The following CASTOR2 variants were observed in gnomAD, a reference collection of about 807,000 sequenced individuals.
CASTOR2 encodes the protein GATS protein like 2.
A neutral mutation model predicts 31.2 loss-of-function variants in CASTOR2; 8 were observed. The ratio of observed to expected loss-of-function variants is 0.26; its 90% CI spans 0.15 to 0.46. The LOEUF (loss-of-function observed/expected upper bound fraction) is 0.46. Ranked by LOEUF, CASTOR2 falls within the 20% of genes least tolerant of loss-of-function variation. CASTOR2 has a pLI of 0.99. For missense variants in CASTOR2, 216 were observed against 382.1 expected, an observed-to-expected ratio of 0.57 and a Z score of 3.62; for synonymous variants, 162 against 158.7, an observed-to-expected ratio of 1.02 and a Z score of -0.16.
chr7:74,979,379 C>T (rs1803899825), intron 1 of CASTOR2, among the ~76,000 whole-genome samples: 1 of 147,346 alleles, frequency 6.8e-6, no homozygotes, highest in South Asian at 2.2e-4. Flanking sequence ...TCCCCAGTGT[C>T]TGATGTTCCC....
intron 1 of CASTOR2, among the ~76,000 whole-genome samples, chr7:74,976,536 TCCTCC>T (rs1803813124): frequency 1.7e-4 from 2 of 12,094 alleles, no homozygotes; most frequent in African/African-American, 5.0e-4. Flanking sequence ...CCCTGTCTCC[TCCTCC>T]TCCTCCTCCT....
Position 75,028,664 on chromosome 7 carries a change from A to G in CASTOR2, c.*3965A>G, listed in dbSNP as rs1805212745. Among the ~76,000 whole-genome samples, 1 of 151,992 alleles carries G rather than the reference A, an allele frequency of 6.6e-6. No individual in the cohort carries two copies. Among genetic ancestry groups the G allele is most frequent in the African/African-American group, 2.4e-5 (1 of 41,344 alleles). On this transcript the variant is annotated 3_prime_UTR_variant, in exon 9 of 9. Transcript: ENST00000616305. ...TCGTGGGGCTCCCCTGGTTCCCAAGACACCCCTTCCTCCCTCAGCCCGTCG... is the reference window on the plus strand; with the variant it reads ...TCGTGGGGCTCCCCTGGTTCCCAAGGCACCCCTTCCTCCCTCAGCCCGTCG...
At position 75,026,145 on chromosome 7, in the gene CASTOR2, A is replaced by G. The variant is rs1489047738; in HGVS notation, c.*1446A>G. Among the ~76,000 whole-genome samples, 3 of 149,098 alleles carry G rather than the reference A, an allele frequency of 2.0e-5. No homozygotes were observed. The highest frequency in any genetic ancestry group is 4.4e-5 in the Non-Finnish European group (3 of 67,504). On this transcript the variant is annotated 3_prime_UTR_variant, in exon 9 of 9. Coordinates refer to ENST00000616305, the MANE Select transcript of CASTOR2 (RefSeq NM_001145064.3). ...TCCCTTCCAGTGGGGTGGTTTTCTG[A>G]ATGAGCAGGACCAAGGGCCCCTGTG...
At chr7:74,985,136 C>T (rs2131924666) in intron 1 of CASTOR2, among the ~76,000 whole-genome samples, 1 of 151,808 alleles carries the variant, frequency 6.6e-6, no homozygotes, top group East Asian at 1.9e-4. Context: ...GACCCTGTCT[C>T]AATAAAAAAG....
intron 1 of CASTOR2, among the ~76,000 whole-genome samples, chr7:74,981,545 C>G (rs2131921777): frequency 6.9e-6 from 1 of 145,360 alleles, no homozygotes; most frequent in East Asian, 2.1e-4. Context: ...GGACGAAGGT[C>G]TCATCCCCTC....
chr7:75,027,390 T>G lies in CASTOR2; in HGVS notation c.*2691T>G, dbSNP rs1356685034. On this transcript the variant is annotated 3_prime_UTR_variant, in exon 9 of 9. Transcript: ENST00000616305. The stretch of plus-strand genomic sequence containing the variant: ...TGGAATTTCTTGCTTTTAACCAGAA[T>G]GCCCCCTCTCCCCTGCCCTCGCCAG... 6.5e-6 allele frequency: 1 copy of G among 153,112 alleles called. No homozygotes were observed. The highest frequency in any genetic ancestry group is 2.4e-5 in the African/African-American group (1 of 41,462). The allele number at this position is 153,112 out of a possible 1,614,324, so 9.5% of individuals were successfully genotyped here.
chr7:75,012,983 T>G (rs1304520017), intron 2 of CASTOR2, among the ~76,000 whole-genome samples: 2 of 152,194 alleles, frequency 1.3e-5, no homozygotes, highest in Non-Finnish European at 2.9e-5. Context: ...TAGAGGATTC[T>G]CACTATGTTG....
At chr7:75,001,381 C>T (rs1804492223) in intron 1 of CASTOR2, among the ~76,000 whole-genome samples, 2 of 152,124 alleles carry the variant, frequency 1.3e-5, no homozygotes, top group South Asian at 2.1e-4. Flanking sequence ...CCCGGCCTCC[C>T]ACCTGGAGTT....
At chr7:75,004,960 G>T (rs1241348766) in intron 1 of CASTOR2, among the ~76,000 whole-genome samples, 1 of 151,916 alleles carries the variant, frequency 6.6e-6, no homozygotes, top group Non-Finnish European at 1.5e-5. Context: ...CCACCTCCCG[G>T]GTTCAAGTGA....
At chr7:74,988,964 CTT>C (rs34618815) in intron 1 of CASTOR2, among the ~76,000 whole-genome samples, 11 of 137,846 alleles carry the variant, frequency 8.0e-5, no homozygotes, top group African/African-American at 1.3e-4. Context: ...GGGAATTTTT[CTT>C]TTTTTTTTTT....
intron 1 of CASTOR2, among the ~76,000 whole-genome samples, chr7:75,000,582 G>A (rs1804472985): frequency 6.6e-6 from 1 of 152,124 alleles, no homozygotes; most frequent in African/African-American, 2.4e-5. Context: ...GAGCCTCTCT[G>A]GTTTGGGTGG....
chr7:74,996,978 A>C (rs1332843224), intron 1 of CASTOR2, among the ~76,000 whole-genome samples: 6 of 149,794 alleles, frequency 4.0e-5, no homozygotes, highest in Admixed American at 4.0e-4. Context: ...CAGGTGAACC[A>C]CCCCCCTCGG....
At position 75,027,792 on chromosome 7, in the gene CASTOR2, C is replaced by A; in HGVS notation, c.*3093C>A. 1 of 562,366 alleles carries A rather than the reference C, an allele frequency of 1.8e-6. No homozygotes were observed. The highest frequency in any genetic ancestry group is 3.2e-6 in the Non-Finnish European group (1 of 315,630). 34.8% of individuals were successfully genotyped at this position (562,366 alleles called of 1,614,324 possible). A position where few individuals can be genotyped will look rare whatever the true frequency, so the allele number is the denominator to read the frequency against. ...TGTAAAGCTTGGTTTATCTTCTCGG[C>A]GTTCTGTGTGTAGCGTAGTCTTGGT... On this transcript the variant is annotated 3_prime_UTR_variant, in exon 9 of 9. Transcript: ENST00000616305.
At chr7:75,008,825 C>T (rs1357547885) in intron 2 of CASTOR2, among the ~76,000 whole-genome samples, 2 of 152,144 alleles carry the variant, frequency 1.3e-5, no homozygotes, top group Non-Finnish European at 2.9e-5. Flanking sequence ...TGGTGTATGC[C>T]TCTACTACCA....
rs1170466716 is a variant in CASTOR2, at chr7:75,028,436, G to C, written c.*3737G>C. Among the ~76,000 whole-genome samples the C allele has an allele frequency of 6.6e-6, 1 of 151,964 alleles. No individual in the cohort carries two copies. Among genetic ancestry groups the C allele is most frequent in the Admixed American group, 6.6e-5 (1 of 15,242 alleles). On this transcript the variant is annotated 3_prime_UTR_variant, in exon 9 of 9. Coordinates refer to ENST00000616305, the MANE Select transcript of CASTOR2 (RefSeq NM_001145064.3). ...GTGCCCGGCCTCATGGAATTTCTAG[G>C]GGTGAGCAGGTGACCCTGGGGCTGC...
At chr7:74,990,499 T>C (rs1804182326) in intron 1 of CASTOR2, among the ~76,000 whole-genome samples, 1 of 152,008 alleles carries the variant, frequency 6.6e-6, no homozygotes, top group Non-Finnish European at 1.5e-5. Flanking sequence ...CAGGAAGATC[T>C]CTTGAGCCAG....
intron 1 of CASTOR2, among the ~76,000 whole-genome samples, chr7:74,993,755 CCTTT>C (rs1457904159): frequency 6.6e-6 from 1 of 151,558 alleles, no homozygotes; most frequent in Non-Finnish European, 1.5e-5. Context: ...CTGGCACCCC[CCTTT>C]CTTATTTGCT....
In CASTOR2 at chr7:74,999,679, G is replaced by A. The variant is rs1300394003; in HGVS notation, c.114-8315G>A. Among the ~76,000 whole-genome samples, 48 of 138,974 alleles carry A rather than the reference G, an allele frequency of 3.5e-4. No individual in the cohort carries two copies. The Admixed American group carries it at 3.8e-3, about 11-fold the overall frequency. 91.2% of individuals were successfully genotyped at this position (138,974 alleles called of 152,430 possible). A position where few individuals can be genotyped will look rare whatever the true frequency, so the allele number is the denominator to read the frequency against. On this transcript the variant is annotated intron_variant, in intron 1 of 8. Transcript: ENST00000616305. Reference sequence around the variant, plus strand: ...TGTCTCCAAGCTGGAGTGCAGTGGCGTGATCTTGGCTCACTGCAACCCCTG... The same window carrying A: ...TGTCTCCAAGCTGGAGTGCAGTGGCATGATCTTGGCTCACTGCAACCCCTG...
intron 1 of CASTOR2, among the ~76,000 whole-genome samples, chr7:74,967,535 A>ATTT (rs1803592892): frequency 2.6e-5 from 2 of 76,708 alleles, no homozygotes; most frequent in African/African-American, 9.3e-5. Flanking sequence ...CCACCTGTTT[A>ATTT]CTTTTTTTTT....
Sources: allele counts gnomAD v4.1 joint callset (sites outside exome capture counted in the v4.1 genomes callset), GRCh38; gene constraint gnomAD v4.1.1; transcripts MANE v1.5; gene names NCBI Gene and HGNC (gene_info 2026-07-23, HGNC 2026-07-21).